RPS6KA3: variants seen among roughly 807,000 people sequenced by gnomAD.
The protein encoded by RPS6KA3 is ribosomal protein S6 kinase A3, also known as ribosomal protein S6 kinase alpha-3.
Under a neutral mutation model 67.2 loss-of-function variants are expected in RPS6KA3, and 4 were observed. The ratio of observed to expected loss-of-function variants is 0.06; its 90% CI spans 0.03 to 0.14. RPS6KA3 has a LOEUF of 0.14. RPS6KA3 is among the 10% of genes least tolerant of loss of function. The pLI is 1.00. For synonymous variants in RPS6KA3, 182 were observed against 183.7 expected (o/e 0.99, Z 0.07); for missense variants, 204 against 559.0 (o/e 0.36, Z 6.40).
chrX:20,170,427 G>T (rs2067544315), intron 15 of RPS6KA3, among the ~76,000 whole-genome samples: 2 of 110,652 alleles, frequency 1.8e-5, no homozygotes, highest in African/African-American at 6.6e-5. Context: ...ACACAGGTTT[G>T]AACTATGAGG....
chrX:20,173,607 T>C (rs2067625656), intron 14 of RPS6KA3, among the ~76,000 whole-genome samples: 1 of 112,224 alleles, frequency 8.9e-6, no homozygotes. Flanking sequence ...CCTATGAGCT[T>C]TGTATATGTT....
chrX:20,214,474 C>A (rs1174816832), intron 2 of RPS6KA3, among the ~76,000 whole-genome samples: 7 of 112,348 alleles, frequency 6.2e-5, no homozygotes, highest in Admixed American at 1.9e-4. Flanking sequence ...TGCCTTCTAG[C>A]ATCCAGTTCT....
intron 20 of RPS6KA3, among the ~76,000 whole-genome samples, chrX:20,161,419 G>A (rs1216534521): frequency 8.9e-6 from 1 of 111,882 alleles, no homozygotes; most frequent in African/African-American, 3.3e-5. Context: ...TATTTATCAC[G>A]TTCTTCAGTG....
At chrX:20,159,348 T>C (rs1603418284) in intron 20 of RPS6KA3, among the ~76,000 whole-genome samples, 1 of 112,570 alleles carries the variant, frequency 8.9e-6, no homozygotes, top group East Asian at 2.8e-4. Flanking sequence ...ATGCCAGCTC[T>C]AGTCTTCTTG....
rs765466155 is a variant in RPS6KA3, at chrX:20,240,027, C to G, written c.70-5213G>C. Among the ~76,000 whole-genome samples, 22 of 110,633 alleles carry G rather than the reference C, an allele frequency of 2.0e-4. No individual in the cohort carries two copies. The South Asian group carries it at 7.8e-3, about 39-fold the overall frequency. On this transcript the variant is annotated intron_variant, in intron 1 of 21. Transcript: ENST00000379565. ...TAGTTAAAAAATACTTTGATTTCAG[C>G]AGGAGATCATCATGTATAAGTATGC...
chrX:20,178,481 G>GTTT (rs59662504), intron 10 of RPS6KA3, among the ~76,000 whole-genome samples: 3 of 84,394 alleles, frequency 3.6e-5, no homozygotes, highest in Non-Finnish European at 2.3e-5. Context: ...AAACAAATCA[G>GTTT]TTTTTTTTTT....
chrX:20,251,088 G>C (rs150368411), intron 1 of RPS6KA3, among the ~76,000 whole-genome samples: 1 of 111,703 alleles, frequency 9.0e-6, no homozygotes, highest in East Asian at 2.8e-4. Context: ...TGGGTTGACA[G>C]TATCTTCTTT....
chrX:20,186,213 A>AT, intron 10 of RPS6KA3, 83 bp downstream of exon 10: 1 of 671,990 alleles, frequency 1.5e-6, no homozygotes, highest in Non-Finnish European at 2.4e-6. Context: ...AAGTGCTGGG[A>AT]TTACAGGCAT....
At chrX:20,197,952 T>C (rs916419700) in intron 4 of RPS6KA3, among the ~76,000 whole-genome samples, 1 of 111,902 alleles carries the variant, frequency 8.9e-6, no homozygotes, top group African/African-American at 3.2e-5. Context: ...AATGAAGAAA[T>C]GTTGTTTATG....
intron 1 of RPS6KA3, among the ~76,000 whole-genome samples, chrX:20,264,655 G>C (rs1216686061): frequency 1.8e-5 from 2 of 111,807 alleles, no homozygotes; most frequent in Non-Finnish European, 3.8e-5. Flanking sequence ...AAATAAATAT[G>C]TTTTGTCCTT....
intron 14 of RPS6KA3, 132 bp downstream of exon 14, chrX:20,175,032 G>A: frequency 1.5e-6 from 1 of 662,207 alleles, no homozygotes; most frequent in Non-Finnish European, 2.4e-6. Flanking sequence ...GGGATTACGG[G>A]TGTGAGCCAC....
chrX:20,218,680 G>T, intron 2 of RPS6KA3: 1 of 503,874 alleles, frequency 2.0e-6, no homozygotes, highest in Non-Finnish European at 3.3e-6. Context: ...TATCAAAACA[G>T]GTTTTGAATT....
chrX:20,198,660 A>T (rs931483095), intron 4 of RPS6KA3, among the ~76,000 whole-genome samples: 2 of 112,039 alleles, frequency 1.8e-5, no homozygotes, highest in Non-Finnish European at 3.8e-5. Flanking sequence ...GGAAAAGATA[A>T]GAAATGAAGA....
chrX:20,170,220 AC>A (rs2067539350), intron 15 of RPS6KA3, among the ~76,000 whole-genome samples: 1 of 112,334 alleles, frequency 8.9e-6, no homozygotes, highest in South Asian at 3.7e-4. Context: ...TATAAAAAAG[AC>A]AAATTTTGCT....
rs1362990819 is a variant in RPS6KA3, at chrX:20,266,804, T to TCGACGC, written c.-178_-173dup. 44 of 348,449 alleles carry TCGACGC rather than the reference T, an allele frequency of 1.3e-4. No homozygotes were observed. The highest frequency in any genetic ancestry group is 4.9e-4 in the African/African-American group (17 of 34,965). 28.7% of individuals were successfully genotyped at this position (348,449 alleles called of 1,213,427 possible). A position where few individuals can be genotyped will look rare whatever the true frequency, so the allele number is the denominator to read the frequency against. On this transcript the variant is annotated 5_prime_UTR_variant, in exon 1 of 22. Transcript: ENST00000379565. ...CAGCGGCGGCGGCCCCAGAGAGGGC[T>TCGACGC]CGACGCCGACGCCGACCGCCCGAAA...
At chrX:20,266,392 C>A (rs760425975) in intron 1 of RPS6KA3, among the ~76,000 whole-genome samples, 172 bp downstream of exon 1, 64 of 111,744 alleles carry the variant, frequency 5.7e-4, no homozygotes, top group Middle Eastern at 9.2e-3. Context: ...ATGGAAGGAA[C>A]AGACAGACCG....
At chrX:20,230,346 T>C (rs1041523561) in intron 2 of RPS6KA3, among the ~76,000 whole-genome samples, 3 of 111,490 alleles carry the variant, frequency 2.7e-5, no homozygotes, top group African/African-American at 9.8e-5. Context: ...TAGGCTCCCG[T>C]GGCAGCAAAA....
intron 4 of RPS6KA3, among the ~76,000 whole-genome samples, chrX:20,196,676 C>T (rs1054720170): frequency 1.3e-4 from 15 of 111,802 alleles, no homozygotes; most frequent in Non-Finnish European, 2.6e-4. Flanking sequence ...GATTTTCATA[C>T]CACTGACTGA....
chrX:20,262,168 C>T (rs894749735), intron 1 of RPS6KA3, among the ~76,000 whole-genome samples: 4 of 111,738 alleles, frequency 3.6e-5, no homozygotes, highest in African/African-American at 1.3e-4. Context: ...GTGACCTTAC[C>T]CATCATTCAC....
Sources: gnomAD v4.1 joint callset for allele counts (sites outside exome capture counted in the v4.1 genomes callset) on GRCh38, gnomAD v4.1.1 for gene constraint, MANE v1.5 for transcripts, NCBI Gene and HGNC (gene_info 2026-07-23, HGNC 2026-07-21) for gene names.